Variants in USP30 observed in about 807,000 individuals in gnomAD.
USP30 encodes the protein ubiquitin carboxyl-terminal hydrolase 30.
In USP30, 41 loss-of-function variants were observed where a neutral mutation model predicts 68.2. That is an observed-to-expected ratio of 0.60 (90% confidence interval 0.47 to 0.78). USP30 has a LOEUF of 0.78. USP30 is among the 30% of genes least tolerant of loss of function. The pLI, the probability that USP30 is intolerant of heterozygous loss-of-function variation, is 0.00. For missense variants in USP30, 522 were observed against 649.4 expected, an observed-to-expected ratio of 0.80 and a Z score of 2.13; for synonymous variants, 229 against 253.7, an observed-to-expected ratio of 0.90 and a Z score of 0.93.
rs2041918757 is a variant in USP30, at chr12:109,085,436, A to T, written c.1290-231A>T. Among the ~76,000 whole-genome samples, 4 of 152,088 alleles carry T rather than the reference A, an allele frequency of 2.6e-5. No homozygotes were observed. In the South Asian group the frequency reaches 8.3e-4, roughly 31 times the overall value. Reference sequence around the variant, plus strand: ...ACATACATATAGTGTACATAAACACATACACTCATTGATACAAACATCCAC... The same window carrying T: ...ACATACATATAGTGTACATAAACACTTACACTCATTGATACAAACATCCAC... On this transcript the variant is annotated intron_variant, in intron 12 of 12. Transcript: ENST00000257548.
At chr12:109,035,224 G>T (rs1750621704) in intron 3 of USP30, among the ~76,000 whole-genome samples, 1 of 151,658 alleles carries the variant, frequency 6.6e-6, no homozygotes, top group East Asian at 1.9e-4. Context: ...GTCTTCTTTT[G>T]TGTTCAATAT....
chr12:109,050,868 G>T (rs540930578), upstream of USP30, among the ~76,000 whole-genome samples: 2 of 152,080 alleles, frequency 1.3e-5, no homozygotes, highest in Admixed American at 1.3e-4. Context: ...TTAGCCGGGC[G>T]TGGTGGTGTG....
At chr12:109,043,219 T>C (rs940806006) in intron 3 of USP30, among the ~76,000 whole-genome samples, 1 of 152,202 alleles carries the variant, frequency 6.6e-6, no homozygotes, top group South Asian at 2.1e-4. Flanking sequence ...TCCCGTTTAC[T>C]TTTTGAAGAA....
exon 1 of USP30, chr12:109,023,120 CT>C (rs2040419115): frequency 6.6e-6 from 1 of 152,242 alleles, no homozygotes; most frequent in Non-Finnish European, 1.5e-5. Flanking sequence ...GGAAAGGGAG[CT>C]GGACAACCTG....
At chr12:109,045,223 C>T (rs1386439681) in intron 3 of USP30, among the ~76,000 whole-genome samples, 12 of 152,178 alleles carry the variant, frequency 7.9e-5, no homozygotes, top group African/African-American at 2.9e-4. Context: ...GGGTGATCCA[C>T]CCGCCTCGGC....
In USP30 at chr12:109,084,968, G is replaced by C; in HGVS notation, c.1184G>C (p.Gly395Ala). 1 of 1,598,558 alleles carries C rather than the reference G, an allele frequency of 6.3e-7. No homozygotes were observed. The highest frequency in any genetic ancestry group is 1.1e-5 in the South Asian group (1 of 88,852). Residue 395 changes from glycine to alanine, a missense_variant, in exon 12 of 13, where the codon GGG (glycine) becomes GCG (alanine). Transcript: ENST00000257548. ...GAPTPVLNQPGAPKTQIFMNG... is the reference protein window; with the variant it reads ...GAPTPVLNQPAAPKTQIFMNG... ...TCTCTTGCAGTTCTGAATCAGCCAG[G>C]GGCCCCCAAAACACAGATTTTTATG... is the stretch of plus-strand genomic sequence containing the variant.
intron 3 of USP30, among the ~76,000 whole-genome samples, chr12:109,060,405 C>T (rs1480870272): frequency 1.3e-5 from 2 of 152,194 alleles, no homozygotes; most frequent in East Asian, 1.9e-4. Flanking sequence ...AATCGTGCTT[C>T]ACTGAGGTAT....
intron 9 of USP30, 105 bp downstream of exon 9, chr12:109,082,124 T>C (rs919694122): frequency 1.7e-6 from 2 of 1,188,584 alleles, no homozygotes; most frequent in Non-Finnish European, 2.5e-6. Context: ...CCAGTGGGTC[T>C]TTTCAGCCAC....
intron 3 of USP30, among the ~76,000 whole-genome samples, chr12:109,045,746 T>C (rs142952589): frequency 6.4e-4 from 98 of 152,232 alleles, no homozygotes; most frequent in Non-Finnish European, 1.0e-3. Flanking sequence ...AATCAGTATG[T>C]TTCAGGTGAG....
intron 7 of USP30, among the ~76,000 whole-genome samples, chr12:109,076,876 C>T (rs1046243454): frequency 7.2e-5 from 11 of 151,726 alleles, no homozygotes; most frequent in African/African-American, 2.4e-4. Flanking sequence ...GGACTACAGG[C>T]GCCCGCCACC....
At chr12:109,063,710 CT>C (rs1274757859) in intron 3 of USP30, among the ~76,000 whole-genome samples, 2 of 152,096 alleles carry the variant, frequency 1.3e-5, no homozygotes, top group Non-Finnish European at 2.9e-5. Flanking sequence ...ATATTATTTT[CT>C]GTTTTTATTG....
intron 3 of USP30, among the ~76,000 whole-genome samples, chr12:109,045,590 A>T (rs952563232): frequency 5.9e-4 from 90 of 152,256 alleles, no homozygotes; most frequent in African/African-American, 2.1e-3. Context: ...AAGTCAATTC[A>T]CTTCTCCGGG....
In USP30 at chr12:109,086,896, C is replaced by T. The variant is rs990456835; in HGVS notation, c.*965C>T. ...TAGGAAGGAAGGGCTGACTATGGGG[C>T]TGCAGTCTCTCTGAACCTCAGTTTC... On this transcript the variant is annotated 3_prime_UTR_variant, in exon 13 of 13. Coordinates refer to ENST00000257548, the MANE Select transcript of USP30 (RefSeq NM_032663.5). The T allele has an allele frequency of 1.9e-4, 29 of 152,216 alleles. No individual in the cohort carries two copies. The highest frequency in any genetic ancestry group is 1.5e-5 in the Non-Finnish European group (1 of 68,058). The allele number at this position is 152,216 out of a possible 1,614,324, so 9.4% of individuals were successfully genotyped here. A position where few individuals can be genotyped will look rare whatever the true frequency, so the allele number is the denominator to read the frequency against.
upstream of USP30, chr12:109,052,399 C>A (rs888353629): frequency 2.4e-5 from 8 of 331,508 alleles, no homozygotes; most frequent in African/African-American, 1.3e-4. Flanking sequence ...CTAAGCAAAT[C>A]TGAAAACCAA....
Position 109,057,926 on chromosome 12 carries a change from G to T in USP30, c.194G>T (p.Gly65Val). The T allele has an allele frequency of 6.2e-7, 1 of 1,604,668 alleles. No homozygotes were observed. Among genetic ancestry groups the T allele is most frequent in the Non-Finnish European group, 8.5e-7 (1 of 1,177,104 alleles). Reference protein sequence around the residue: ...PITERKKRRKGLVPGLVNLGN... With the variant: ...PITERKKRRKVLVPGLVNLGN... ...CTTCTTCCCCCTGCTTTTTTTTTAG[G>T]GCTTGTGCCTGGCCTTGTTAATTTA... The change falls in exon 3 of 13, where the codon GGG becomes GTG. Residue 65 changes from glycine to valine, a missense_variant and splice_region_variant. Transcript: ENST00000257548.
In USP30 at chr12:109,052,632, GGCGGCGGTA is replaced by G; in HGVS notation, c.-42_-34del. The stretch of plus-strand genomic sequence containing the variant: ...TCGTATCCCTCGGTCCGGCGGCGGC[GGCGGCGGTA>G]GCGGAGGAGACGGTTTCAGGCCTCC... On this transcript the variant is annotated 5_prime_UTR_variant, in exon 1 of 13. Transcript: ENST00000257548. 1 of 1,452,092 alleles carries G rather than the reference GGCGGCGGTA, an allele frequency of 6.9e-7. No homozygotes were observed. 90.0% of individuals were successfully genotyped at this position (1,452,092 alleles called of 1,614,324 possible).
intron 3 of USP30, among the ~76,000 whole-genome samples, chr12:109,036,175 A>G (rs1220914623): frequency 6.6e-6 from 1 of 152,132 alleles, no homozygotes; most frequent in Non-Finnish European, 1.5e-5. Flanking sequence ...ATATGTATAT[A>G]TTTATACTTT....
chr12:109,085,178 T>C, intron 12 of USP30, 105 bp downstream of exon 12: 1 of 1,220,872 alleles, frequency 8.2e-7, no homozygotes, highest in Non-Finnish European at 1.1e-6. Context: ...TGTTTATTTT[T>C]CATTTTAAGG....
chr12:109,050,368 T>A (rs951750827), upstream of USP30, among the ~76,000 whole-genome samples: 1 of 152,204 alleles, frequency 6.6e-6, no homozygotes, highest in East Asian at 1.9e-4. Context: ...AATTCTCAAT[T>A]TTAATTTCTA....
Sources: allele counts gnomAD v4.1 joint callset (sites outside exome capture counted in the v4.1 genomes callset), GRCh38; gene constraint gnomAD v4.1.1; transcripts MANE v1.5; gene names NCBI Gene and HGNC (gene_info 2026-07-23, HGNC 2026-07-21).